Variants in CALR3 observed in about 807,000 individuals in gnomAD.
CALR3 encodes the protein calreticulin 3.
CALR3 carries 39 observed loss-of-function variants against 48.7 expected under a neutral mutation model. That is an observed-to-expected ratio of 0.80 (90% CI 0.62 to 1.05). The LOEUF (loss-of-function observed/expected upper bound fraction) is 1.05, where lower values mean the gene tolerates loss of function less well. Among genes scored for constraint, CALR3 ranks in the 50% least tolerant of loss-of-function variants. The probability of loss-of-function intolerance (pLI) is 0.00; values close to 1 mark genes in which losing one functional copy is unlikely to be tolerated. For synonymous variants in CALR3, 185 were observed against 172.7 expected, an observed-to-expected ratio of 1.07 and a Z score of -0.56; for missense variants, 449 against 474.7, an observed-to-expected ratio of 0.95 and a Z score of 0.50.
At position 16,480,697 on chromosome 19, in the gene CALR3, C is replaced by G; in HGVS notation, c.928G>C (p.Gly310Arg). The G allele has an allele frequency of 6.2e-7, 1 of 1,611,052 alleles. No individual in the cohort carries two copies. The highest frequency in any genetic ancestry group is 8.5e-7 in the Non-Finnish European group (1 of 1,177,294). ...IGLELWQVRS[G>R]TIFDNFLITD... ...ATCAGAAAGTTATCAAAAATGGTTC[C>G]AGATCTCACCTGCAGATGAAAATAA... is the stretch of plus-strand genomic sequence containing the variant. The change falls in exon 8 of 9, where the codon GGA becomes CGA. Residue 310 changes from glycine to arginine, a missense_variant. Gly to Arg is a moderately radical substitution (Grantham distance 125, BLOSUM62 -2). Transcript: ENST00000269881.
At chr19:16,493,579 T>C (rs12461149) in intron 2 of CALR3, among the ~76,000 whole-genome samples, 27,064 of 144,972 alleles carry the variant, frequency 0.19, 2,644 homozygotes, top group African/African-American at 0.23. Flanking sequence ...AGACAGAGTC[T>C]TGCTCTGTTG....
intron 2 of CALR3, among the ~76,000 whole-genome samples, chr19:16,493,599 G>C (rs1477288436): frequency 2.0e-5 from 3 of 147,678 alleles, no homozygotes; most frequent in Non-Finnish European, 4.4e-5. Context: ...GCCCAGGCTG[G>C]AGTGTAGTGG....
chr19:16,490,242 T>C, intron 3 of CALR3, 125 bp downstream of exon 3: 3 of 809,732 alleles, frequency 3.7e-6, no homozygotes, highest in South Asian at 1.5e-5. Context: ...ACTACAAACC[T>C]TGGATCCGAT....
chr19:16,489,322 G>A (rs1389483092), intron 3 of CALR3, among the ~76,000 whole-genome samples: 2 of 151,912 alleles, frequency 1.3e-5, no homozygotes, highest in Non-Finnish European at 2.9e-5. Context: ...GACCACCATG[G>A]TGAAACCCCA....
chr19:16,492,873 A>AAG (rs1243764891), intron 2 of CALR3, among the ~76,000 whole-genome samples: 3 of 151,436 alleles, frequency 2.0e-5, no homozygotes, highest in Non-Finnish European at 2.9e-5. Flanking sequence ...AAAAAAAAAA[A>AAG]AAAAAAATTA....
chr19:16,490,639 G>T, intron 2 of CALR3, 69 bp from the exon 3 acceptor site: 1 of 1,346,156 alleles, frequency 7.4e-7, no homozygotes, highest in Non-Finnish European at 1.1e-6. Context: ...AAGTTAAATC[G>T]ATGTCCTTCC....
intron 3 of CALR3, among the ~76,000 whole-genome samples, chr19:16,489,240 T>C (rs1438961953): frequency 1.3e-5 from 2 of 152,050 alleles, no homozygotes; most frequent in African/African-American, 4.8e-5. Flanking sequence ...ATCCCAGCAC[T>C]TTGGAAGGCC....
chr19:16,480,769 A>G (rs1395020588), intron 7 of CALR3, 63 bp from the exon 8 acceptor site: 5 of 1,241,372 alleles, frequency 4.0e-6, no homozygotes, highest in Non-Finnish European at 4.6e-6. Flanking sequence ...TTTATTTTTC[A>G]TTTCTTTTTT....
intron 5 of CALR3, among the ~76,000 whole-genome samples, chr19:16,483,337 ACTTTAGCC>A (rs1342200502): frequency 6.6e-6 from 1 of 152,104 alleles, no homozygotes; most frequent in Non-Finnish European, 1.5e-5. Context: ...CTGCCATATG[ACTTTAGCC>A]CTTTCCTGCA....
At chr19:16,484,181 T>TC in intron 4 of CALR3, 66 bp from the exon 5 acceptor site, 1 of 1,178,488 alleles carries the variant, frequency 8.5e-7, no homozygotes, top group East Asian at 3.1e-5. Flanking sequence ...TTCTTTTCTT[T>TC]TTTTTTTTTT....
chr19:16,495,227 CAAAAAAAAAA>C (rs548752979), intron 2 of CALR3, among the ~76,000 whole-genome samples: 18 of 123,104 alleles, frequency 1.5e-4, no homozygotes, highest in Non-Finnish European at 1.3e-4. Flanking sequence ...CTCCTACTAC[CAAAAAAAAAA>C]AAAAAAAAAA....
rs1013639938 is a variant in CALR3 at position 16,486,095 on chromosome 19, G to A, written c.398-838C>T. Among the ~76,000 whole-genome samples the A allele has an allele frequency of 2.6e-5, 4 of 152,008 alleles. 1 individual carries two copies. In the South Asian group the frequency reaches 8.3e-4, roughly 32 times the overall value. On this transcript the variant is annotated intron_variant, in intron 3 of 8. Transcript: ENST00000269881. ...GCACTTTAGGAGGCCAAGGTGGGGAGATGACTTGAGGCCAGTTTGAGACCA... is the reference window on the plus strand; with the variant it reads ...GCACTTTAGGAGGCCAAGGTGGGGAAATGACTTGAGGCCAGTTTGAGACCA...
intron 5 of CALR3, among the ~76,000 whole-genome samples, chr19:16,483,335 T>C (rs939256125): frequency 2.6e-5 from 4 of 152,152 alleles, no homozygotes; most frequent in South Asian, 2.1e-4. Context: ...ACCTGCCATA[T>C]GACTTTAGCC....
chr19:16,482,864 T>G (rs182305120), intron 5 of CALR3, 79 bp from the exon 6 acceptor site: 1 of 1,373,408 alleles, frequency 7.3e-7, no homozygotes, highest in East Asian at 2.5e-5. Context: ...TTTTGTTTCT[T>G]GAGACTAGGT....
At position 16,496,109 on chromosome 19, in the gene CALR3, C is replaced by A. The variant is rs201886703; in HGVS notation, c.21G>T (p.Gln7His). The change falls in exon 1 of 9, where the codon CAG becomes CAT. Residue 7 changes from glutamine (Q) to histidine (H), a missense_variant. Transcript: ENST00000269881. ...CTCGCAGCATGCATATGGCCCAGAG[C>A]TGGACCAAAGCCCGGGCCATGGGGG... MARALV[Q>H]LWAICMLRVA... is the part of the protein sequence containing the mutation. The A allele has an allele frequency of 1.2e-6, 2 of 1,605,190 alleles. No individual in the cohort carries two copies. Among genetic ancestry groups the A allele is most frequent in the East Asian group, 4.5e-5 (2 of 44,576 alleles).
chr19:16,486,847 A>G (rs1009488498), intron 3 of CALR3, among the ~76,000 whole-genome samples: 3 of 152,142 alleles, frequency 2.0e-5, no homozygotes, highest in African/African-American at 4.8e-5. Context: ...TCATTGCAAC[A>G]AAGTGTCCCA....
chr19:16,482,501 A>G lies in CALR3; in HGVS notation c.867T>C (p.Tyr289=). 5 of 1,614,248 alleles carry G rather than the reference A, an allele frequency of 3.1e-6. No homozygotes were observed. Among genetic ancestry groups the G allele is most frequent in the African/African-American group, 1.3e-5 (1 of 75,066 alleles). The change falls in exon 7 of 9, where the codon TAT becomes TAC. Residue 289 remains tyrosine, a synonymous_variant. Transcript: ENST00000269881. ...KMKNTDYLTQ[Y]DLSEFENIGA... is the part of the protein sequence containing the mutation. ...CAATGTTCTCAAATTCTGAGAGGTC[A>G]TACTGCGTCAAATAGTCGGTATTCT...
At chr19:16,484,183 T>C (rs527766637) in intron 4 of CALR3, 68 bp from the exon 5 acceptor site, 89 of 1,415,266 alleles carry the variant, frequency 6.3e-5, no homozygotes, top group Middle Eastern at 5.1e-4. Flanking sequence ...CTTTTCTTTT[T>C]TTTTTTTTTT....
At chr19:16,482,299 T>C in intron 7 of CALR3, 151 bp downstream of exon 7, 1 of 1,086,416 alleles carries the variant, frequency 9.2e-7, no homozygotes, top group Non-Finnish European at 1.3e-6. Flanking sequence ...GGAGGATCGC[T>C]TGGGCCTAGT....
Sources: gnomAD v4.1 joint callset for allele counts (sites outside exome capture counted in the v4.1 genomes callset) on GRCh38, gnomAD v4.1.1 for gene constraint, MANE v1.5 for transcripts, NCBI Gene and HGNC (gene_info 2026-07-23, HGNC 2026-07-21) for gene names.